Variants in ITFG1 observed in about 807,000 individuals in gnomAD.
The protein encoded by ITFG1 is T-cell immunomodulatory protein.
ITFG1 carries 34 observed loss-of-function variants against 81.8 expected under a neutral mutation model. That is an observed-to-expected ratio of 0.42 (90% CI 0.32 to 0.55). ITFG1 has a LOEUF of 0.55. Among genes scored for constraint, ITFG1 ranks in the 20% least tolerant of loss-of-function variants. The pLI is 0.17. For missense variants in ITFG1, 672 were observed against 755.4 expected (o/e 0.89, Z 1.29); for synonymous variants, 285 against 270.6 (o/e 1.05, Z -0.52).
At chr16:47,412,092 A>G (rs1451420326) in intron 6 of ITFG1, among the ~76,000 whole-genome samples, 2 of 152,158 alleles carry the variant, frequency 1.3e-5, no homozygotes, top group Non-Finnish European at 2.9e-5. Flanking sequence ...GGAAATACAG[A>G]ACATAAAAAC....
chr16:47,159,272 G>A (rs1488817809), intron 16 of ITFG1, among the ~76,000 whole-genome samples: 2 of 152,090 alleles, frequency 1.3e-5, no homozygotes, highest in Non-Finnish European at 2.9e-5. Flanking sequence ...TTGATCCTAT[G>A]AGAATTATTT....
At chr16:47,189,590 A>T (rs1965267781) in intron 14 of ITFG1, among the ~76,000 whole-genome samples, 1 of 152,128 alleles carries the variant, frequency 6.6e-6, no homozygotes, top group African/African-American at 2.4e-5. Context: ...TCTGTGGTTT[A>T]CCCATTCATC....
chr16:47,337,721 G>A (rs1394520918), intron 8 of ITFG1, among the ~76,000 whole-genome samples: 5 of 152,208 alleles, frequency 3.3e-5, no homozygotes, highest in Admixed American at 6.5e-5. Context: ...AAAAACACTC[G>A]TGTATGGTGA....
chr16:47,352,837 C>A (rs370801269), intron 8 of ITFG1, among the ~76,000 whole-genome samples: 7 of 151,990 alleles, frequency 4.6e-5, no homozygotes, highest in Non-Finnish European at 2.9e-5. Flanking sequence ...GACTGGATTA[C>A]GAAAATGTGG....
At chr16:47,283,487 C>T (rs1021270286) in intron 10 of ITFG1, among the ~76,000 whole-genome samples, 1 of 152,134 alleles carries the variant, frequency 6.6e-6, no homozygotes, top group African/African-American at 2.4e-5. Context: ...ATAATAAATC[C>T]TGTCTCTGTC....
At chr16:47,182,000 C>A (rs1056334770) in intron 14 of ITFG1, among the ~76,000 whole-genome samples, 2 of 151,974 alleles carry the variant, frequency 1.3e-5, no homozygotes, top group Admixed American at 1.3e-4. Flanking sequence ...CCTTAAGAGT[C>A]ATCACCACTC....
chr16:47,181,831 T>A (rs1965128389), intron 14 of ITFG1, among the ~76,000 whole-genome samples: 1 of 152,218 alleles, frequency 6.6e-6, no homozygotes, highest in Admixed American at 6.5e-5. Context: ...CATTTTGTTC[T>A]GTACTAAGAA....
intron 14 of ITFG1, among the ~76,000 whole-genome samples, chr16:47,173,070 C>T (rs2036146398): frequency 6.6e-6 from 1 of 152,172 alleles, no homozygotes; most frequent in Admixed American, 6.5e-5. Flanking sequence ...CCTGGAATAG[C>T]CTTCCAAAGA....
rs773980745 is a variant in ITFG1 at position 47,451,398 on chromosome 16, T to G, written c.558A>C (p.Gly186=). 1.2e-5 allele frequency: 19 copies of G among 1,522,312 alleles called. No homozygotes were observed. Among genetic ancestry groups the G allele is most frequent in the Non-Finnish European group, 1.6e-5 (18 of 1,097,894 alleles). The allele number at this position is 1,522,312 out of a possible 1,614,324, so 94.3% of individuals were successfully genotyped here. ...NESNQPQILL[G]GNLSWHPALT... ...TAGTTATAACCATATTTACTCACCCTCCTAATAGTATCTGTGGCTGGTTGG... is the reference window on the plus strand; with the variant it reads ...TAGTTATAACCATATTTACTCACCCGCCTAATAGTATCTGTGGCTGGTTGG... Residue 186 remains glycine (G), a splice_region_variant and synonymous_variant, in exon 5 of 18, where the codon GGA becomes GGC. Coordinates refer to ENST00000320640, the MANE Select transcript of ITFG1 (RefSeq NM_030790.5).
intron 6 of ITFG1, among the ~76,000 whole-genome samples, chr16:47,388,504 G>A (rs970299427): frequency 2.0e-5 from 3 of 152,152 alleles, no homozygotes. Flanking sequence ...TTTAATGGGT[G>A]ACTTCTCATC....
chr16:47,408,974 AATGAAGTCATTAAATGTT>A (rs1421316797), intron 6 of ITFG1, among the ~76,000 whole-genome samples: 1 of 152,198 alleles, frequency 6.6e-6, no homozygotes, highest in African/African-American at 2.4e-5. Flanking sequence ...GTGTCAGAGT[AATGAAGTCATTAAATGTT>A]ATGAAGTCTC....
At chr16:47,175,261 G>A (rs1157605624) in intron 14 of ITFG1, among the ~76,000 whole-genome samples, 1 of 151,068 alleles carries the variant, frequency 6.6e-6, no homozygotes, top group Non-Finnish European at 1.5e-5. Context: ...AATTGTATGA[G>A]GGTAGATAAT....
chr16:47,334,887 A>G (rs1967682307), intron 8 of ITFG1, among the ~76,000 whole-genome samples: 1 of 152,204 alleles, frequency 6.6e-6, no homozygotes, highest in African/African-American at 2.4e-5. Flanking sequence ...ATGCAAAATG[A>G]CTCACAGACT....
At chr16:47,245,047 T>A (rs539672555) in intron 12 of ITFG1, among the ~76,000 whole-genome samples, 12 of 152,130 alleles carry the variant, frequency 7.9e-5, no homozygotes, top group Non-Finnish European at 1.6e-4. Flanking sequence ...ACATACTTCC[T>A]TTTAAAAAAC....
chr16:47,255,602 A>C (rs956391458), intron 12 of ITFG1, among the ~76,000 whole-genome samples: 1 of 152,232 alleles, frequency 6.6e-6, no homozygotes, highest in Admixed American at 6.5e-5. Context: ...CTAGAGAAGA[A>C]GGGAACACTG....
chr16:47,234,057 C>T (rs756813003), intron 13 of ITFG1, among the ~76,000 whole-genome samples: 6 of 152,170 alleles, frequency 3.9e-5, no homozygotes, highest in Non-Finnish European at 5.9e-5. Flanking sequence ...ACCTTAGTTC[C>T]CTTTGCTTAA....
intron 6 of ITFG1, among the ~76,000 whole-genome samples, chr16:47,377,408 C>T (rs186803388): frequency 6.6e-6 from 1 of 152,134 alleles, no homozygotes; most frequent in Non-Finnish European, 1.5e-5. Flanking sequence ...TCCTTTTCTT[C>T]CAAGATGAAG....
intron 8 of ITFG1, among the ~76,000 whole-genome samples, chr16:47,315,511 T>C (rs1216476390): frequency 6.6e-6 from 1 of 152,162 alleles, no homozygotes; most frequent in Non-Finnish European, 1.5e-5. Context: ...ATGCTCATAT[T>C]AGAATCTTAT....
In ITFG1 at chr16:47,444,347, T is replaced by G. The variant is rs575089252; in HGVS notation, c.560+7049A>C. Among the ~76,000 whole-genome samples, 5 of 152,314 alleles carry G rather than the reference T, an allele frequency of 3.3e-5. No homozygotes were observed. The South Asian group carries it at 6.2e-4, about 19-fold the overall frequency. On this transcript the variant is annotated intron_variant, in intron 5 of 17. Coordinates refer to ENST00000320640, the MANE Select transcript of ITFG1 (RefSeq NM_030790.5). The stretch of plus-strand genomic sequence containing the variant: ...ATAATTTATGTTACAAGAAATATGA[T>G]AAAAGATGTAATAGCTCTTCAGTAA...
Sources: gnomAD v4.1 joint callset for allele counts (sites outside exome capture counted in the v4.1 genomes callset) on GRCh38, gnomAD v4.1.1 for gene constraint, MANE v1.5 for transcripts, NCBI Gene and HGNC (gene_info 2026-07-23, HGNC 2026-07-21) for gene names.